Variants in MDGA2 observed in about 807,000 individuals in gnomAD.
MDGA2 encodes the protein MAM domain-containing glycosylphosphatidylinositol anchor protein 2.
A neutral mutation model predicts 117.8 loss-of-function variants in MDGA2; 40 were observed. That is an observed-to-expected ratio of 0.34 (90% confidence interval 0.26 to 0.44). MDGA2 has a LOEUF of 0.44. Ranked by LOEUF, MDGA2 falls within the 20% of genes least tolerant of loss-of-function variation. MDGA2 has a pLI of 1.00. For missense variants in MDGA2, 1,123 were observed against 1,250.6 expected, an observed-to-expected ratio of 0.90 and a Z score of 1.54; for synonymous variants, 452 against 439.0, an observed-to-expected ratio of 1.03 and a Z score of -0.37.
chr14:47,301,294 CCCACACACACACA>C lies in MDGA2; in HGVS notation c.420+104_420+116del, dbSNP rs1566728432. ...TTACACACACACACACCCACACCCACCCACACACACACACACACACACACACAGTTTTAGCTAA... is the reference window on the plus strand; with the variant it reads ...TTACACACACACACACCCACACCCACCACACACACACACAGTTTTAGCTAA... On this transcript the variant is annotated intron_variant, in intron 2 of 16. Transcript: ENST00000399232. The C allele has an allele frequency of 5.4e-5, 55 of 1,019,050 alleles. No homozygotes were observed. In the African/African-American group the frequency reaches 1.1e-3, roughly 21 times the overall value. 63.1% of individuals were successfully genotyped at this position (1,019,050 alleles called of 1,614,324 possible).
intron 2 of MDGA2, among the ~76,000 whole-genome samples, chr14:47,245,210 A>G (rs998471131): frequency 1.3e-5 from 2 of 151,736 alleles, no homozygotes; most frequent in African/African-American, 4.8e-5. Flanking sequence ...TTTCTTCTGT[A>G]GAGATGAGGT....
intron 7 of MDGA2, among the ~76,000 whole-genome samples, chr14:47,047,720 T>C (rs1056290946): frequency 1.3e-5 from 2 of 152,072 alleles, no homozygotes; most frequent in African/African-American, 4.8e-5. Flanking sequence ...TATGCATACA[T>C]TTCTATATAG....
chr14:46,914,670 G>T (rs1400730802), intron 10 of MDGA2, among the ~76,000 whole-genome samples: 1 of 151,896 alleles, frequency 6.6e-6, no homozygotes, highest in Non-Finnish European at 1.5e-5. Context: ...ATTTCTAAAG[G>T]TTTCTGGATT....
intron 8 of MDGA2, among the ~76,000 whole-genome samples, chr14:46,993,806 A>G (rs1214515579): frequency 6.6e-6 from 1 of 152,032 alleles, no homozygotes; most frequent in Non-Finnish European, 1.5e-5. Flanking sequence ...CTATCTTTTT[A>G]TTTAATCTTT....
At chr14:47,005,742 T>C (rs1887686539) in intron 8 of MDGA2, among the ~76,000 whole-genome samples, 1 of 151,626 alleles carries the variant, frequency 6.6e-6, no homozygotes, top group African/African-American at 2.4e-5. Context: ...TTCATCTCCC[T>C]ATATGTATAT....
intron 1 of MDGA2, among the ~76,000 whole-genome samples, chr14:47,617,062 G>C (rs1456821365): frequency 5.9e-5 from 9 of 152,130 alleles, no homozygotes; most frequent in Non-Finnish European, 1.2e-4. Context: ...CTGTTGGTAT[G>C]ATCTTGTTAC....
chr14:47,140,961 A>C (rs1462009304), intron 4 of MDGA2, among the ~76,000 whole-genome samples: 1 of 152,128 alleles, frequency 6.6e-6, no homozygotes, highest in Admixed American at 6.6e-5. Flanking sequence ...AGCAAAAAAA[A>C]ATCTCATTTT....
chr14:47,536,615 A>T (rs1895216683), intron 1 of MDGA2, among the ~76,000 whole-genome samples: 1 of 152,228 alleles, frequency 6.6e-6, no homozygotes. Context: ...CGTTGTAAGA[A>T]ATAATTGGGA....
At chr14:47,522,133 C>T (rs1184756599) in intron 1 of MDGA2, among the ~76,000 whole-genome samples, 1 of 152,076 alleles carries the variant, frequency 6.6e-6, no homozygotes, top group African/African-American at 2.4e-5. Context: ...AAATTAAACA[C>T]ATTAACTAAT....
chr14:47,588,241 T>G (rs140651116), intron 1 of MDGA2, among the ~76,000 whole-genome samples: 1,556 of 77,234 alleles, frequency 0.02, 32 homozygotes, highest in African/African-American at 0.037. Context: ...TAGATAGATA[T>G]ATATATATAT....
intron 8 of MDGA2, among the ~76,000 whole-genome samples, chr14:46,985,485 T>G (rs1886827512): frequency 6.6e-6 from 1 of 152,076 alleles, no homozygotes; most frequent in Non-Finnish European, 1.5e-5. Flanking sequence ...ATCAATTTTT[T>G]GGAGAAGAGT....
In MDGA2 at chr14:46,920,419, A is replaced by C. The variant is rs148984084; in HGVS notation, c.2090-259T>G. On this transcript the variant is annotated intron_variant, in intron 9 of 16. Coordinates refer to ENST00000399232, the MANE Select transcript of MDGA2 (RefSeq NM_001113498.3). ...GGGATTTTCATCAACCAAAATGGAA[A>C]TCCATGGGAGGATGAAATCTGGAGA... is the stretch of plus-strand genomic sequence containing the variant. Among the ~76,000 whole-genome samples, 1,166 of 152,316 alleles carry C rather than the reference A, an allele frequency of 7.7e-3. 20 individuals are homozygous for C. Among genetic ancestry groups the C allele is most frequent in the African/African-American group, 0.027 (1,120 of 41,562 alleles).
At chr14:46,890,629 C>G (rs542408114) in intron 10 of MDGA2, among the ~76,000 whole-genome samples, 2 of 152,176 alleles carry the variant, frequency 1.3e-5, no homozygotes, top group East Asian at 1.9e-4. Context: ...CTTCCCTCAC[C>G]TATCTTAGTG....
chr14:47,436,006 T>C (rs933249315), intron 1 of MDGA2, among the ~76,000 whole-genome samples: 2 of 152,100 alleles, frequency 1.3e-5, no homozygotes, highest in African/African-American at 4.8e-5. Flanking sequence ...AGCTGGTCGC[T>C]TTTAGTCAGA....
At chr14:47,430,514 T>C (rs1009850223) in intron 1 of MDGA2, among the ~76,000 whole-genome samples, 12 of 152,048 alleles carry the variant, frequency 7.9e-5, no homozygotes, top group African/African-American at 2.9e-4. Context: ...AGACACTTTA[T>C]TGGGGGTGTA....
chr14:46,869,270 TTC>T (rs749116082), intron 14 of MDGA2, among the ~76,000 whole-genome samples: 4 of 151,912 alleles, frequency 2.6e-5, no homozygotes, highest in African/African-American at 7.2e-5. Context: ...ACATTGCACA[TTC>T]TTTTTTTAAA....
intron 8 of MDGA2, among the ~76,000 whole-genome samples, chr14:47,032,414 C>T (rs116523845): frequency 1.7e-3 from 251 of 152,032 alleles, no homozygotes; most frequent in African/African-American, 5.7e-3. Context: ...TAGCATGACC[C>T]GGTCTCTACA....
chr14:47,421,244 A>C (rs1163666500), intron 1 of MDGA2, among the ~76,000 whole-genome samples: 1 of 152,118 alleles, frequency 6.6e-6, no homozygotes, highest in Non-Finnish European at 1.5e-5. Flanking sequence ...ATGTTATTCA[A>C]AGGGAGTCAA....
intron 6 of MDGA2, among the ~76,000 whole-genome samples, chr14:47,088,130 AATT>A (rs1443299124): frequency 9.2e-5 from 14 of 152,180 alleles, no homozygotes; most frequent in African/African-American, 1.4e-4. Flanking sequence ...ATTCTTCATA[AATT>A]ATTTTAATGA....
Sources: gnomAD v4.1 joint callset for allele counts (sites outside exome capture counted in the v4.1 genomes callset) on GRCh38, gnomAD v4.1.1 for gene constraint, MANE v1.5 for transcripts, NCBI Gene and HGNC (gene_info 2026-07-23, HGNC 2026-07-21) for gene names.